The following CPNE5 variants were observed in gnomAD, a reference collection of about 807,000 sequenced individuals.
CPNE5 encodes the protein copine-5.
A neutral mutation model predicts 81.1 loss-of-function variants in CPNE5; 42 were observed. That is an observed-to-expected ratio of 0.52 (90% CI 0.40 to 0.67). CPNE5 has a LOEUF of 0.67. CPNE5 is among the 30% of genes least tolerant of loss of function. The pLI, the probability that CPNE5 is intolerant of heterozygous loss-of-function variation, is 0.00. For missense variants in CPNE5, 612 were observed against 815.5 expected (o/e 0.75, Z 3.04); for synonymous variants, 313 against 321.5 (o/e 0.97, Z 0.28).
intron 1 of CPNE5, among the ~76,000 whole-genome samples, chr6:36,834,546 C>T (rs1038473620): frequency 1.3e-5 from 2 of 151,724 alleles, no homozygotes; most frequent in Non-Finnish European, 2.9e-5. Flanking sequence ...ATCTCAGCTA[C>T]TCAAGAGGCT....
rs1053180896 is a variant in CPNE5 at position 36,822,153 on chromosome 6, G to A, written c.144C>T (p.Val48=). The A allele has an allele frequency of 1.3e-6, 2 of 1,529,900 alleles. No individual in the cohort carries two copies. Among genetic ancestry groups the A allele is most frequent in the Non-Finnish European group, 1.8e-6 (2 of 1,131,512 alleles). 94.8% of individuals were successfully genotyped at this position (1,529,900 alleles called of 1,614,324 possible). A position where few individuals can be genotyped will look rare whatever the true frequency, so the allele number is the denominator to read the frequency against. ...DMFSKSDPLC[V]MYTQGMENKQ... ...TGTTCTCCATCCCTTGGGTATACAT[G>A]ACGCACACTGCGGGGGGAGGAGAAA... The change falls in exon 3 of 21, where the codon GTC becomes GTT. Residue 48 remains valine, a synonymous_variant. Coordinates refer to ENST00000244751, the MANE Select transcript of CPNE5 (RefSeq NM_020939.2).
intron 19 of CPNE5, 150 bp from the exon 20 acceptor site, chr6:36,743,912 C>G (rs571724955): frequency 1.7e-4 from 125 of 716,742 alleles, no homozygotes; most frequent in African/African-American, 1.6e-3. Flanking sequence ...AAACTGAGGC[C>G]AGGGGCCAGG....
intron 1 of CPNE5, among the ~76,000 whole-genome samples, chr6:36,836,497 T>C (rs539667965): frequency 6.6e-6 from 1 of 152,270 alleles, no homozygotes; most frequent in African/African-American, 2.4e-5. Context: ...CTACCCCAGC[T>C]GCCCATCCTG....
At chr6:36,782,431 C>T (rs1308491455) in intron 8 of CPNE5, among the ~76,000 whole-genome samples, 3 of 152,176 alleles carry the variant, frequency 2.0e-5, no homozygotes, top group African/African-American at 7.2e-5. Context: ...AATGAAAGAA[C>T]TTGACAGGCC....
intron 1 of CPNE5, 32 bp from the exon 2 acceptor site, chr6:36,823,130 C>T (rs369112290): frequency 2.5e-5 from 38 of 1,522,908 alleles, no homozygotes; most frequent in Middle Eastern, 4.3e-4. Context: ...GGGGTTAGCA[C>T]GGCCAGCTGA....
intron 1 of CPNE5, among the ~76,000 whole-genome samples, chr6:36,828,030 G>A (rs753581000): frequency 1.3e-5 from 2 of 152,054 alleles, no homozygotes; most frequent in Non-Finnish European, 2.9e-5. Context: ...TTCAGTGGCA[G>A]TGAGAAAATG....
At chr6:36,756,158 A>T in intron 13 of CPNE5, 87 bp downstream of exon 13, 1 of 1,077,878 alleles carries the variant, frequency 9.3e-7, no homozygotes, top group Non-Finnish European at 1.4e-6. Context: ...CTGCACACAC[A>T]CAGACGCACG....
In CPNE5 at chr6:36,832,927, C is replaced by T. The variant is rs751410802; in HGVS notation, c.95+6356G>A. Among the ~76,000 whole-genome samples the T allele has an allele frequency of 1.3e-3, 205 of 152,182 alleles. 3 individuals are homozygous for T. Among genetic ancestry groups the T allele is most frequent in the Admixed American group, 3.0e-3 (46 of 15,282 alleles). ...TACTACCGTGCGGTCTGGATGGCAT[C>T]GAAGGCTGGCTTCCATCCTGTGACT... On this transcript the variant is annotated intron_variant, in intron 1 of 20. Coordinates refer to ENST00000244751, the MANE Select transcript of CPNE5 (RefSeq NM_020939.2).
chr6:36,828,701 C>G (rs1772732147), intron 1 of CPNE5, among the ~76,000 whole-genome samples: 1 of 152,248 alleles, frequency 6.6e-6, no homozygotes, highest in Middle Eastern at 3.4e-3. Flanking sequence ...CATTAGCTAC[C>G]CGAAGACATT....
intron 1 of CPNE5, among the ~76,000 whole-genome samples, chr6:36,835,250 CT>C (rs750676415): frequency 1.9e-4 from 29 of 152,218 alleles, no homozygotes; most frequent in Non-Finnish European, 3.5e-4. Context: ...AACCAACATG[CT>C]GGGCCAGATC....
At chr6:36,793,507 C>T (rs796393266) in intron 7 of CPNE5, among the ~76,000 whole-genome samples, 2 of 152,300 alleles carry the variant, frequency 1.3e-5, no homozygotes, top group African/African-American at 4.8e-5. Context: ...CATGTTTCTC[C>T]ATCTGTTCCT....
At chr6:36,811,430 G>A (rs1210728050) in intron 3 of CPNE5, among the ~76,000 whole-genome samples, 2 of 152,206 alleles carry the variant, frequency 1.3e-5, no homozygotes, top group Admixed American at 6.5e-5. Flanking sequence ...CACTTTACAC[G>A]AATTAGCTTA....
chr6:36,791,710 A>G (rs1342105563), intron 8 of CPNE5, among the ~76,000 whole-genome samples: 1 of 152,200 alleles, frequency 6.6e-6, no homozygotes, highest in Admixed American at 6.5e-5. Context: ...TGTTGGTGCC[A>G]AGGCAGTCTC....
intron 3 of CPNE5, among the ~76,000 whole-genome samples, chr6:36,806,062 C>G (rs1266693833): frequency 6.6e-6 from 1 of 152,150 alleles, no homozygotes; most frequent in African/African-American, 2.4e-5. Flanking sequence ...GTTGGGCAAG[C>G]AAGGTCTTCC....
chr6:36,762,701 G>A (rs951853123), intron 12 of CPNE5, among the ~76,000 whole-genome samples: 5 of 152,210 alleles, frequency 3.3e-5, no homozygotes, highest in Non-Finnish European at 7.3e-5. Context: ...AGTCTGGGTT[G>A]TTTGTGTCTT....
chr6:36,793,678 A>G (rs1425880641), intron 7 of CPNE5, among the ~76,000 whole-genome samples: 3 of 150,190 alleles, frequency 2.0e-5, no homozygotes, highest in Non-Finnish European at 4.4e-5. Flanking sequence ...CTGCTTCTCT[A>G]CTCTCCAGGT....
chr6:36,822,602 G>A (rs368875053), intron 2 of CPNE5, among the ~76,000 whole-genome samples: 82 of 152,200 alleles, frequency 5.4e-4, no homozygotes, highest in African/African-American at 1.9e-3. Flanking sequence ...TTTACAGCCC[G>A]GAGCAGTTTC....
chr6:36,837,525 G>A (rs187376674), intron 1 of CPNE5, among the ~76,000 whole-genome samples: 3 of 152,300 alleles, frequency 2.0e-5, no homozygotes, highest in East Asian at 3.9e-4. Context: ...GAGGGATGAC[G>A]TCTGCACACC....
chr6:36,822,957 G>T, intron 2 of CPNE5, 101 bp downstream of exon 2: 1 of 968,018 alleles, frequency 1.0e-6, no homozygotes, highest in Non-Finnish European at 1.5e-6. Flanking sequence ...AACGGCGCCT[G>T]GCACATGGTT....
Sources: gnomAD v4.1 joint callset for allele counts (sites outside exome capture counted in the v4.1 genomes callset) on GRCh38, gnomAD v4.1.1 for gene constraint, MANE v1.5 for transcripts, NCBI Gene and HGNC (gene_info 2026-07-23, HGNC 2026-07-21) for gene names.